Variants in ROBO2 observed in about 807,000 individuals in gnomAD.
ROBO2 encodes the protein roundabout guidance receptor 2.
ROBO2 carries 53 observed loss-of-function variants against 160.8 expected under a neutral mutation model. The observed-to-expected ratio is 0.33, with a 90% CI of 0.26 to 0.41. ROBO2 has a LOEUF of 0.41. Ranked by LOEUF, ROBO2 falls within the 10% of genes least tolerant of loss-of-function variation. ROBO2 has a pLI of 1.00. For missense variants in ROBO2, 1,577 were observed against 1,722.4 expected, an observed-to-expected ratio of 0.92 and a Z score of 1.49; for synonymous variants, 664 against 611.7, an observed-to-expected ratio of 1.09 and a Z score of -1.26.
chr3:77,510,660 G>A (rs757370604), intron 5 of ROBO2, among the ~76,000 whole-genome samples: 14 of 152,056 alleles, frequency 9.2e-5, no homozygotes, highest in Non-Finnish European at 1.9e-4. Flanking sequence ...CTGTGAGATA[G>A]GGCCTGTTAA....
At chr3:76,561,939 T>G (rs1392195486) in intron 2 of ROBO2, among the ~76,000 whole-genome samples, 1 of 152,150 alleles carries the variant, frequency 6.6e-6, no homozygotes, top group African/African-American at 2.4e-5. Context: ...ACATGCATCC[T>G]TTTCAGGAAA....
intron 2 of ROBO2, among the ~76,000 whole-genome samples, chr3:76,556,303 G>C (rs1009304909): frequency 2.6e-5 from 4 of 152,082 alleles, no homozygotes; most frequent in Non-Finnish European, 5.9e-5. Context: ...TTGGAGGGAA[G>C]GAAAATATGT....
At chr3:76,150,030 T>G (rs55682440) in intron 2 of ROBO2, among the ~76,000 whole-genome samples, 13 of 139,314 alleles carry the variant, frequency 9.3e-5, no homozygotes, top group East Asian at 2.3e-4. Context: ...TCTGTCTAAA[T>G]CACACATCTG....
chr3:76,375,024 A>T (rs2076276827), intron 2 of ROBO2, among the ~76,000 whole-genome samples: 1 of 151,380 alleles, frequency 6.6e-6, no homozygotes, highest in Admixed American at 6.6e-5. Context: ...GCATCATTAG[A>T]TGGAATCACT....
chr3:76,998,799 CCACCTTCTCA>C (rs2061174188), intron 2 of ROBO2, among the ~76,000 whole-genome samples: 1 of 152,048 alleles, frequency 6.6e-6, no homozygotes, highest in African/African-American at 2.4e-5. Context: ...TGAATTAAGT[CCACCTTCTCA>C]CACACACTGC....
At chr3:76,856,357 A>G (rs2070078076) in intron 2 of ROBO2, among the ~76,000 whole-genome samples, 1 of 152,338 alleles carries the variant, frequency 6.6e-6, no homozygotes, top group East Asian at 1.9e-4. Flanking sequence ...CATATATGGT[A>G]AAATGATTAC....
intron 2 of ROBO2, among the ~76,000 whole-genome samples, chr3:76,787,547 T>C (rs1237345649): frequency 2.0e-5 from 3 of 151,432 alleles, no homozygotes; most frequent in Non-Finnish European, 4.4e-5. Flanking sequence ...CTAAAGGGAA[T>C]GTGACTTTCT....
chr3:76,352,108 A>T (rs2074912101), intron 2 of ROBO2, among the ~76,000 whole-genome samples: 1 of 151,986 alleles, frequency 6.6e-6, no homozygotes, highest in African/African-American at 2.4e-5. Flanking sequence ...AGTGTTGTCA[A>T]CCTAGTAAGC....
chr3:76,018,820 T>C (rs892324149), intron 2 of ROBO2, among the ~76,000 whole-genome samples: 9 of 151,816 alleles, frequency 5.9e-5, no homozygotes, highest in Non-Finnish European at 1.5e-5. Context: ...GGTTAGTTTT[T>C]CTCTGAAGTT....
chr3:76,495,692 A>G (rs2080111464), intron 2 of ROBO2, among the ~76,000 whole-genome samples: 1 of 152,144 alleles, frequency 6.6e-6, no homozygotes, highest in Non-Finnish European at 1.5e-5. Context: ...AAGCCCTTGA[A>G]AACTGGGTGA....
At chr3:76,129,507 A>G (rs1193341494) in intron 2 of ROBO2, among the ~76,000 whole-genome samples, 1 of 152,188 alleles carries the variant, frequency 6.6e-6, no homozygotes, top group Non-Finnish European at 1.5e-5. Context: ...AGTGCTTTAG[A>G]GCACAATGAG....
intron 1 of ROBO2, among the ~76,000 whole-genome samples, chr3:75,907,366 G>A (rs1321018447): frequency 6.6e-6 from 1 of 152,156 alleles, no homozygotes; most frequent in Non-Finnish European, 1.5e-5. Context: ...TCTGGGCACA[G>A]AATGTGACGG....
intron 2 of ROBO2, among the ~76,000 whole-genome samples, chr3:76,560,614 C>T (rs1260232154): frequency 1.4e-5 from 2 of 141,250 alleles, no homozygotes; most frequent in African/African-American, 5.2e-5. Context: ...CATCTGATTT[C>T]ACAAAAAAAA....
intron 2 of ROBO2, among the ~76,000 whole-genome samples, chr3:77,389,604 A>G (rs2153498295): frequency 6.6e-6 from 1 of 152,038 alleles, no homozygotes; most frequent in African/African-American, 2.4e-5. Context: ...TATTTCTTAC[A>G]TTTATATTTA....
Position 75,975,502 on chromosome 3 carries a change from C to T in ROBO2, c.109+37900C>T, listed in dbSNP as rs112425305. ...TATTTCAGTTAGTCTCTGTTTAGAT[C>T]ATTTTGAAATGATTTTTATTAGCAT... On this transcript the variant is annotated intron_variant, in intron 2 of 26. Transcript: ENST00000487694. Among the ~76,000 whole-genome samples the T allele has an allele frequency of 7.8e-3, 1,186 of 151,362 alleles. 20 individuals are homozygous for T. Among genetic ancestry groups the T allele is most frequent in the African/African-American group, 0.027 (1,135 of 41,398 alleles).
At chr3:76,979,421 T>C (rs1380879062) in intron 2 of ROBO2, among the ~76,000 whole-genome samples, 2 of 152,128 alleles carry the variant, frequency 1.3e-5, no homozygotes, top group Non-Finnish European at 2.9e-5. Context: ...TGTATGACCA[T>C]GTGTACACTC....
chr3:75,909,220 CCTTTT>C (rs1946466111), intron 1 of ROBO2, among the ~76,000 whole-genome samples: 2 of 152,102 alleles, frequency 1.3e-5, no homozygotes, highest in African/African-American at 2.4e-5. Context: ...CCTTTTTCCT[CCTTTT>C]CTTTCTTAAG....
chr3:77,618,010 G>GAACTAGAACTAA lies in ROBO2; in HGVS notation c.3554+249_3554+260dup, dbSNP rs551249273. 7.9e-4 allele frequency: 424 copies of GAACTAGAACTAA among 538,600 alleles called. 2 individuals carry two copies. The highest frequency in any genetic ancestry group is 7.6e-3 in the African/African-American group (399 of 52,690). The allele number at this position is 538,600 out of a possible 1,614,324, so 33.4% of individuals were successfully genotyped here. Reference sequence around the variant, plus strand: ...GGAGCTGTAACTGTAACTGTAACTAGAACTAGAACTAAAACTAGAACTAGA... The same window carrying GAACTAGAACTAA: ...GGAGCTGTAACTGTAACTGTAACTAGAACTAGAACTAAAACTAGAACTAAAACTAGAACTAGA... On this transcript the variant is annotated intron_variant, in intron 22 of 25. Coordinates refer to ENST00000461745, the Ensembl canonical transcript of ROBO2.
chr3:77,091,916 G>T (rs1323079908), intron 1 of ROBO2: 1 of 151,786 alleles, frequency 6.6e-6, no homozygotes, highest in Non-Finnish European at 1.5e-5. Context: ...GGAGACGGAG[G>T]TTGCAGTGAG....
Sources: gnomAD v4.1 joint callset for allele counts (sites outside exome capture counted in the v4.1 genomes callset) on GRCh38, gnomAD v4.1.1 for gene constraint, MANE v1.5 for transcripts, NCBI Gene and HGNC (gene_info 2026-07-23, HGNC 2026-07-21) for gene names.